Variants in BMPR1B observed in about 807,000 individuals in gnomAD.
The protein encoded by BMPR1B is bone morphogenetic protein receptor type 1B.
In BMPR1B, 12 loss-of-function variants were observed where a neutral mutation model predicts 59.1. The observed-to-expected ratio is 0.20, with a 90% CI of 0.13 to 0.33. The LOEUF is 0.33. Ranked by LOEUF, BMPR1B falls within the 10% of genes least tolerant of loss-of-function variation. BMPR1B has a pLI of 1.00. For synonymous variants in BMPR1B, 237 were observed against 207.3 expected, an observed-to-expected ratio of 1.14 and a Z score of -1.23; for missense variants, 550 against 610.9, an observed-to-expected ratio of 0.90 and a Z score of 1.05.
At chr4:94,942,585 T>G (rs531139088) in intron 2 of BMPR1B, among the ~76,000 whole-genome samples, 1 of 152,308 alleles carries the variant, frequency 6.6e-6, no homozygotes, top group Non-Finnish European at 1.5e-5. Context: ...TTGCCTTGAG[T>G]TATAAATAAT....
At chr4:94,916,286 A>G (rs1180847509) in intron 2 of BMPR1B, among the ~76,000 whole-genome samples, 1 of 152,174 alleles carries the variant, frequency 6.6e-6, no homozygotes, top group Non-Finnish European at 1.5e-5. Context: ...TCAGAAGAAG[A>G]TAGGAAAATG....
chr4:95,112,343 A>G (rs948966418), intron 4 of BMPR1B, among the ~76,000 whole-genome samples: 2 of 152,106 alleles, frequency 1.3e-5, no homozygotes, highest in African/African-American at 4.8e-5. Context: ...ACATAGGCCA[A>G]TGGTAAGAGT....
At chr4:94,867,325 C>G (rs1334636685) in intron 1 of BMPR1B, among the ~76,000 whole-genome samples, 3 of 152,130 alleles carry the variant, frequency 2.0e-5, no homozygotes, top group Non-Finnish European at 4.4e-5. Flanking sequence ...CTCAATATAT[C>G]CAATTTTACA....
chr4:94,891,276 A>T (rs1423052848), intron 2 of BMPR1B, among the ~76,000 whole-genome samples: 1 of 152,118 alleles, frequency 6.6e-6, no homozygotes, highest in Non-Finnish European at 1.5e-5. Flanking sequence ...ACTTGGTTCT[A>T]TGAAACAATC....
intron 2 of BMPR1B, among the ~76,000 whole-genome samples, chr4:94,926,709 GGT>G (rs984360956): frequency 4.6e-5 from 7 of 151,546 alleles, no homozygotes; most frequent in Non-Finnish European, 7.4e-5. Flanking sequence ...GATTTATAGG[GGT>G]GTGTGTGTGT....
At chr4:94,833,185 T>A (rs1304958449) in intron 1 of BMPR1B, among the ~76,000 whole-genome samples, 1 of 107,400 alleles carries the variant, frequency 9.3e-6, no homozygotes, top group Non-Finnish European at 1.8e-5. Context: ...AGGCAGAGAC[T>A]CTTTCTCAAA....
chr4:94,943,132 A>G (rs963206247), intron 2 of BMPR1B, among the ~76,000 whole-genome samples: 11 of 151,466 alleles, frequency 7.3e-5, no homozygotes, highest in Non-Finnish European at 1.5e-4. Flanking sequence ...GCCTGGATAC[A>G]TCCACTCACT....
rs780280883 is a variant in BMPR1B, at chr4:95,152,756, C to A, written c.1366C>A (p.Arg456=). 2 of 1,611,866 alleles carry A rather than the reference C, an allele frequency of 1.2e-6. No individual in the cohort carries two copies. The highest frequency in any genetic ancestry group is 2.2e-5 in the East Asian group (1 of 44,794). The change falls in exon 12 of 13, where the codon CGG becomes AGG. Residue 456 remains arginine (R), a synonymous_variant. Transcript: ENST00000515059. The stretch of plus-strand genomic sequence containing the variant: ...GAAGTTACGCCCCTCATTCCCAAAC[C>A]GGTGGAGCAGTGATGAGGTAAGGCT... The part of the protein sequence containing the change: ...IKKLRPSFPN[R]WSSDECLRQM...
chr4:94,819,318 C>G (rs1379969827), intron 1 of BMPR1B, among the ~76,000 whole-genome samples: 1 of 152,162 alleles, frequency 6.6e-6, no homozygotes, highest in Non-Finnish European at 1.5e-5. Flanking sequence ...TACAACTTCT[C>G]TTTGTGGCAT....
intron 3 of BMPR1B, 65 bp from the exon 4 acceptor site, chr4:95,104,343 G>C (rs894454216): frequency 1.9e-6 from 3 of 1,540,952 alleles, no homozygotes. Context: ...TCATGTTTTC[G>C]TTTGAACAGA....
chr4:94,987,026 G>A (rs550987669), intron 2 of BMPR1B, among the ~76,000 whole-genome samples: 215 of 104,172 alleles, frequency 2.1e-3, no homozygotes, highest in African/African-American at 7.2e-3. Context: ...GGGCGACAGA[G>A]CCAGACTCTG....
chr4:95,001,173 A>G lies in BMPR1B; in HGVS notation c.-18+5039A>G, dbSNP rs530855487. ...TTTGTTACATATGTATACATGTGCTATGTTGGTGTGCTGCACCCATTAACT... is the reference window on the plus strand; with the variant it reads ...TTTGTTACATATGTATACATGTGCTGTGTTGGTGTGCTGCACCCATTAACT... On this transcript the variant is annotated intron_variant, in intron 3 of 12. Transcript: ENST00000515059. Among the ~76,000 whole-genome samples, 202 of 152,208 alleles carry G rather than the reference A, an allele frequency of 1.3e-3. 1 individual carries two copies. Among genetic ancestry groups the G allele is most frequent in the Admixed American group, 2.1e-3 (32 of 15,280 alleles).
At chr4:95,096,017 A>G (rs371744322) in intron 3 of BMPR1B, among the ~76,000 whole-genome samples, 2 of 145,584 alleles carry the variant, frequency 1.4e-5, no homozygotes, top group South Asian at 4.5e-4. Context: ...ATAGTATGAA[A>G]TTTTTTTTAC....
intron 2 of BMPR1B, among the ~76,000 whole-genome samples, chr4:94,902,378 GTC>G (rs1727867838): frequency 6.6e-6 from 1 of 151,422 alleles, no homozygotes; most frequent in African/African-American, 2.4e-5. Context: ...ACACAATTGT[GTC>G]TGTTATATCT....
chr4:95,007,733 C>T (rs1227491950), intron 3 of BMPR1B, among the ~76,000 whole-genome samples: 1 of 152,164 alleles, frequency 6.6e-6, no homozygotes, highest in African/African-American at 2.4e-5. Flanking sequence ...AGGGTGGGTG[C>T]AGATCCCAGA....
intron 1 of BMPR1B, among the ~76,000 whole-genome samples, chr4:94,772,686 A>G (rs1044914478): frequency 6.6e-6 from 1 of 152,160 alleles, no homozygotes; most frequent in African/African-American, 2.4e-5. Context: ...TCCAAAATAT[A>G]ATTTTTCCAT....
intron 3 of BMPR1B, among the ~76,000 whole-genome samples, chr4:95,032,742 G>C (rs898117123): frequency 1.3e-5 from 2 of 152,040 alleles, no homozygotes; most frequent in African/African-American, 4.8e-5. Flanking sequence ...TTGTAGTGTA[G>C]ACCACATTTC....
chr4:95,145,747 T>C (rs571970738), intron 10 of BMPR1B, among the ~76,000 whole-genome samples: 1 of 152,364 alleles, frequency 6.6e-6, no homozygotes, highest in African/African-American at 2.4e-5. Flanking sequence ...TCTGACACTT[T>C]ACAGTATCAG....
chr4:95,106,850 G>A (rs888448439), intron 4 of BMPR1B, among the ~76,000 whole-genome samples: 5 of 151,916 alleles, frequency 3.3e-5, no homozygotes, highest in Non-Finnish European at 2.9e-5. Context: ...GGCTGTATCC[G>A]TGCTGCACTC....
Sources: allele counts gnomAD v4.1 joint callset (sites outside exome capture counted in the v4.1 genomes callset), GRCh38; gene constraint gnomAD v4.1.1; transcripts MANE v1.5; gene names NCBI Gene and HGNC (gene_info 2026-07-23, HGNC 2026-07-21).